Variants in EVC observed in about 807,000 individuals in gnomAD.
EVC encodes the protein EvC ciliary complex subunit 1.
A neutral mutation model predicts 118.9 loss-of-function variants in EVC; 116 were observed. The observed-to-expected ratio is 0.98, with a 90% CI of 0.84 to 1.14. EVC has a LOEUF of 1.14. Among genes scored for constraint, EVC ranks in the 50% most tolerant of loss-of-function variants. The pLI is 0.00. For synonymous variants in EVC, 619 were observed against 534.7 expected, an observed-to-expected ratio of 1.16 and a Z score of -2.18; for missense variants, 1,401 against 1,246.4, an observed-to-expected ratio of 1.12 and a Z score of -1.87.
chr4:5,804,673 C>A, intron 16 of EVC, 57 bp from the exon 17 acceptor site: 1 of 1,521,592 alleles, frequency 6.6e-7, no homozygotes, highest in Non-Finnish European at 9.1e-7. Context: ...TGCCCCAGAC[C>A]TGGCACAGTG....
At chr4:5,802,250 G>C (rs868727038) in intron 16 of EVC, among the ~76,000 whole-genome samples, 156 bp downstream of exon 16, 2 of 152,314 alleles carry the variant, frequency 1.3e-5, no homozygotes, top group Admixed American at 6.5e-5. Context: ...GTCTCAAAAA[G>C]CCTTTTTCAA....
the EVC span, chr4:5,825,677 G>A: frequency 1.2e-6 from 2 of 1,611,176 alleles, no homozygotes; most frequent in African/African-American, 1.3e-5. The surrounding 1 kb of genome is among the most constrained non-coding windows in gnomAD (Gnocchi z 4.4). Flanking sequence ...GAGGAAGGGA[G>A]AGTGTGATTG....
At chr4:5,751,963 G>T (rs28571235) in intron 8 of EVC, among the ~76,000 whole-genome samples, 10,061 of 152,198 alleles carry the variant, frequency 0.066, 478 homozygotes, top group Non-Finnish European at 0.094. Flanking sequence ...TCTCAGGGCA[G>T]CAACAGGAGG....
At chr4:5,824,167 G>T in the EVC span, 1 of 306,668 alleles carries the variant, frequency 3.3e-6, no homozygotes, top group Non-Finnish European at 4.8e-6. Flanking sequence ...GTGTTTAATT[G>T]CATAACTCCA....
chr4:5,805,274 C>A (rs905174425), intron 17 of EVC, among the ~76,000 whole-genome samples: 2 of 152,152 alleles, frequency 1.3e-5, no homozygotes, highest in East Asian at 3.9e-4. Context: ...GTAACTGTGA[C>A]CATCACAATG....
the EVC span, among the ~76,000 whole-genome samples, chr4:5,822,501 G>C: frequency 6.6e-6 from 1 of 151,954 alleles, no homozygotes; most frequent in Non-Finnish European, 1.5e-5. Flanking sequence ...GAAGGGGGGG[G>C]GGGTGGTGTG....
chr4:5,737,592 C>G lies in EVC; in HGVS notation c.703-4124C>G, dbSNP rs1043942498. On this transcript the variant is annotated intron_variant, in intron 5 of 20. Coordinates refer to ENST00000264956, the MANE Select transcript of EVC (RefSeq NM_153717.3). The surrounding 1 kb of genome is among the most constrained non-coding windows in gnomAD (Gnocchi z 5.0). ...TGAAGCCAGTGCTCATGCACCACTC[C>G]GAAAGTCCTAGGGCCCTTAAGGGTG... Among the ~76,000 whole-genome samples the G allele has an allele frequency of 1.3e-5, 2 of 152,170 alleles. No homozygotes were observed. The highest frequency in any genetic ancestry group is 4.8e-5 in the African/African-American group (2 of 41,440).
rs1423557842 is a variant in EVC, at chr4:5,789,237, G to C, written c.1777-4371G>C. ...CTCATTTCACACAGCATGAAAGTCA[G>C]AGTCCTCGCCACACTCTGCAAAGCC... On this transcript the variant is annotated intron_variant, in intron 12 of 20. Transcript: ENST00000264956. This position sits in a 1 kb window ranked among gnomAD's most constrained non-coding sequence, Gnocchi z 4.3. Among the ~76,000 whole-genome samples the C allele has an allele frequency of 6.6e-6, 1 of 152,118 alleles. No homozygotes were observed.
intron 1 of EVC, among the ~76,000 whole-genome samples, chr4:5,718,214 A>G (rs987147005): frequency 6.6e-6 from 1 of 152,202 alleles, no homozygotes; most frequent in African/African-American, 2.4e-5. Flanking sequence ...CTGGGGGGAA[A>G]ACAGGGTTAG....
At position 5,745,271 on chromosome 4, in the gene EVC, A is replaced by G. The variant is rs764555992; in HGVS notation, c.869A>G (p.Asp290Gly). 16 of 1,613,952 alleles carry G rather than the reference A, an allele frequency of 9.9e-6. No homozygotes were observed. In the South Asian group the frequency reaches 1.6e-4, roughly 17 times the overall value. Residue 290 changes from aspartate (D) to glycine (G), a missense_variant, in exon 7 of 21, where the codon GAC (aspartate) becomes GGC (glycine). Physicochemically the swap from Asp to Gly is moderately conservative, Grantham distance 94. Coordinates refer to ENST00000264956, the MANE Select transcript of EVC (RefSeq NM_153717.3). ...AACACAGAAATGTCGGGGGCTGGTG[A>G]CTCTGAGTACATCACCCTGGCTGAT... is the stretch of plus-strand genomic sequence containing the variant. ...LSNTEMSGAG[D>G]SEYITLADVE...
chr4:5,753,028 C>G lies in EVC; in HGVS notation c.1291C>G (p.Gln431Glu), dbSNP rs1730630339. 6.2e-7 allele frequency: 1 copy of G among 1,607,036 alleles called. No individual in the cohort carries two copies. The highest frequency in any genetic ancestry group is 8.5e-7 in the Non-Finnish European group (1 of 1,177,102). ...LLTQQHKAFW[Q>E]EAERFSREFV... ...CACGCAGCAGCACAAGGCCTTCTGG[C>G]AGGAGGCAGAGCGCTTCAGCCGGGG... The change falls in exon 9 of 21, where the codon CAG (glutamine) becomes GAG (glutamate). Residue 431 changes from glutamine (Q) to glutamate (E), a missense_variant. Physicochemically the swap from Gln to Glu is conservative, Grantham distance 29. Coordinates refer to ENST00000264956, the MANE Select transcript of EVC (RefSeq NM_153717.3).
chr4:5,765,152 T>C lies in EVC; in HGVS notation c.1563+8790T>C, dbSNP rs368789496. Among the ~76,000 whole-genome samples the C allele has an allele frequency of 3.1e-4, 37 of 118,036 alleles. 9 individuals are homozygous for C. Among genetic ancestry groups the C allele is most frequent in the Admixed American group, 9.3e-4 (12 of 12,966 alleles). 77.4% of individuals were successfully genotyped at this position (118,036 alleles called of 152,430 possible). On this transcript the variant is annotated intron_variant, in intron 11 of 20. Transcript: ENST00000264956. ...AACATCTTTATTTCTGCCTTCATTTTGTTATGTATCCAGTAGTCATTCAGG... is the reference window on the plus strand; with the variant it reads ...AACATCTTTATTTCTGCCTTCATTTCGTTATGTATCCAGTAGTCATTCAGG...
chr4:5,810,878 G>A (rs1047832823), intron 20 of EVC, 75 bp from the exon 21 acceptor site: 29 of 1,351,280 alleles, frequency 2.1e-5, no homozygotes, highest in African/African-American at 1.0e-4. Flanking sequence ...CATTTAATCC[G>A]ATTGGGTAAG....
At chr4:5,824,272 A>G in the EVC span, 2 of 984,968 alleles carry the variant, frequency 2.0e-6, no homozygotes, top group South Asian at 4.7e-5. Flanking sequence ...TGGTTTGCTG[A>G]TTGAGCATCA....
intron 12 of EVC, among the ~76,000 whole-genome samples, chr4:5,786,678 C>G (rs543739086): frequency 6.6e-6 from 1 of 152,226 alleles, no homozygotes; most frequent in South Asian, 2.1e-4. Flanking sequence ...TCGAGACCAT[C>G]CTGGCTAACA....
chr4:5,758,349 A>G (rs1645912977), intron 11 of EVC: 3 of 533,280 alleles, frequency 5.6e-6, no homozygotes, highest in Non-Finnish European at 9.9e-6. Flanking sequence ...GCCACAGGAA[A>G]CTAAACGGAA....
chr4:5,756,162 T>G lies in EVC; in HGVS notation c.1465-102T>G, dbSNP rs1731132559. On this transcript the variant is annotated intron_variant, in intron 10 of 20. Coordinates refer to ENST00000264956, the MANE Select transcript of EVC (RefSeq NM_153717.3). This position sits in a 1 kb window ranked among gnomAD's most constrained non-coding sequence, Gnocchi z 4.2. ...TGTGTAATACAGGTGCCAACATCCT[T>G]CTTTCTAACCTGAGATGCAGGGGAT... is the stretch of plus-strand genomic sequence containing the variant. The G allele has an allele frequency of 6.6e-6, 6 of 915,304 alleles. No homozygotes were observed. The highest frequency in any genetic ancestry group is 3.5e-6 in the Non-Finnish European group (2 of 577,296). 56.7% of individuals were successfully genotyped at this position (915,304 alleles called of 1,614,324 possible).
intron 9 of EVC, among the ~76,000 whole-genome samples, chr4:5,753,253 G>GGCACTCTCAT (rs1474149283): frequency 6.6e-6 from 1 of 152,208 alleles, no homozygotes; most frequent in Non-Finnish European, 1.5e-5. Context: ...GAGTCCATGA[G>GGCACTCTCAT]GGCCACTGCC....
intron 7 of EVC, among the ~76,000 whole-genome samples, chr4:5,745,727 G>A (rs1329490946): frequency 3.9e-5 from 6 of 152,094 alleles, no homozygotes; most frequent in Non-Finnish European, 5.9e-5. Context: ...CTGAAACATC[G>A]TTTTTCTTTT....
Sources: allele counts gnomAD v4.1 joint callset (sites outside exome capture counted in the v4.1 genomes callset), GRCh38; gene constraint gnomAD v4.1.1; non-coding constraint Gnocchi (gnomAD v3.1); transcripts MANE v1.5; gene names NCBI Gene and HGNC (gene_info 2026-07-23, HGNC 2026-07-21).